Variants in MTRF1 observed in about 807,000 individuals in gnomAD.
The protein encoded by MTRF1 is peptide chain release factor 1, mitochondrial.
MTRF1 carries 51 observed loss-of-function variants against 62.9 expected under a neutral mutation model. That is an observed-to-expected ratio of 0.81 (90% CI 0.65 to 1.02). MTRF1 has a LOEUF of 1.02. MTRF1 is among the 50% of genes least tolerant of loss of function. The probability of loss-of-function intolerance (pLI) is 0.00; values close to 1 mark genes in which losing one functional copy is unlikely to be tolerated. For synonymous variants in MTRF1, 158 were observed against 181.9 expected, an observed-to-expected ratio of 0.87 and a Z score of 1.06; for missense variants, 446 against 530.0, an observed-to-expected ratio of 0.84 and a Z score of 1.56.
At chr13:41,240,173 A>G (rs1007741616) in intron 6 of MTRF1, 88 bp downstream of exon 6, 3 of 1,392,750 alleles carry the variant, frequency 2.2e-6, no homozygotes, top group Non-Finnish European at 1.9e-6. Flanking sequence ...AAAAAAAAAA[A>G]AAAGGACAGA....
chr13:41,286,539 A>T, the MTRF1 span, among the ~76,000 whole-genome samples: 1 of 152,332 alleles, frequency 6.6e-6, no homozygotes, highest in South Asian at 2.1e-4. Flanking sequence ...TGGGGATTTA[A>T]AAACAATTGT....
At chr13:41,221,276 C>G (rs1593549485) in intron 9 of MTRF1, among the ~76,000 whole-genome samples, 1 of 151,910 alleles carries the variant, frequency 6.6e-6, no homozygotes, top group Non-Finnish European at 1.5e-5. Context: ...CCTGCCTCAA[C>G]CTCCCCAGTA....
At position 41,245,248 on chromosome 13, in the gene MTRF1, G is replaced by GC. The variant is rs1460059503; in HGVS notation, c.698-4816dup. On this transcript the variant is annotated intron_variant, in intron 5 of 9. Transcript: ENST00000379480. ...ATCAGATTCTTTGACACTTCATATT[G>GC]CTTTTTTTTTTTGAAGACATGGTCT... is the stretch of plus-strand genomic sequence containing the variant. Among the ~76,000 whole-genome samples the GC allele has an allele frequency of 2.7e-5, 3 of 109,882 alleles. No homozygotes were observed. In the Admixed American group the frequency reaches 3.1e-4, roughly 12 times the overall value. 72.1% of individuals were successfully genotyped at this position (109,882 alleles called of 152,430 possible).
At chr13:41,245,754 AG>A (rs1346962168) in intron 5 of MTRF1, among the ~76,000 whole-genome samples, 1 of 152,184 alleles carries the variant, frequency 6.6e-6, no homozygotes, top group Non-Finnish European at 1.5e-5. Flanking sequence ...GAATGAGTCC[AG>A]GAAGGCTTTT....
intron 7 of MTRF1, among the ~76,000 whole-genome samples, chr13:41,227,519 G>A (rs1246292392): frequency 6.6e-6 from 1 of 152,096 alleles, no homozygotes; most frequent in Non-Finnish European, 1.5e-5. Flanking sequence ...TTGGCCCACT[G>A]TGTAGTCCAG....
chr13:41,306,428 G>C, the MTRF1 span, among the ~76,000 whole-genome samples: 1 of 152,124 alleles, frequency 6.6e-6, no homozygotes, highest in African/African-American at 2.4e-5. Flanking sequence ...ACATGGAAGA[G>C]AGCAGAAACA....
At chr13:41,298,027 CTT>C in the MTRF1 span, among the ~76,000 whole-genome samples, 3 of 151,054 alleles carry the variant, frequency 2.0e-5, no homozygotes, top group Middle Eastern at 6.8e-3. Context: ...TACATTTTCC[CTT>C]TTTTTTTGAG....
the MTRF1 span, among the ~76,000 whole-genome samples, chr13:41,274,456 G>A: frequency 3.9e-5 from 6 of 152,148 alleles, no homozygotes; most frequent in African/African-American, 1.4e-4. Context: ...GTGCCAAAAT[G>A]ATTAATTTAT....
rs1468732330 is a variant in MTRF1, at chr13:41,263,329, G to A, written c.-9+156C>T. On this transcript the variant is annotated intron_variant, in intron 1 of 9. Coordinates refer to ENST00000379480, the MANE Select transcript of MTRF1 (RefSeq NM_004294.4). ...ATCACAGTAACAGTATTACTCTGAT[G>A]CTTTGGGGAAAGTTCTGAGTGTAGG... is the stretch of plus-strand genomic sequence containing the variant. 9 of 1,288,810 alleles carry A rather than the reference G, an allele frequency of 7.0e-6. No individual in the cohort carries two copies. The East Asian group carries it at 3.3e-4, about 48-fold the overall frequency. 79.8% of individuals were successfully genotyped at this position (1,288,810 alleles called of 1,614,324 possible).
the MTRF1 span, among the ~76,000 whole-genome samples, chr13:41,311,051 G>A: frequency 1.2e-4 from 18 of 152,238 alleles, no homozygotes; most frequent in African/African-American, 4.3e-4. Flanking sequence ...GAATGAGGGT[G>A]GTGACTCACC....
At chr13:41,292,112 A>C in the MTRF1 span, among the ~76,000 whole-genome samples, 1 of 152,210 alleles carries the variant, frequency 6.6e-6, no homozygotes, top group Non-Finnish European at 1.5e-5. Flanking sequence ...AAAAACAAAA[A>C]GCTGAAAGAA....
chr13:41,263,597 C>T (rs1438505923), upstream of MTRF1: 1 of 193,328 alleles, frequency 5.2e-6, no homozygotes. Context: ...TGGTTCACTT[C>T]TTCCGGGTTA....
At chr13:41,232,754 A>T (rs1041537281) in intron 7 of MTRF1, among the ~76,000 whole-genome samples, 7 of 152,202 alleles carry the variant, frequency 4.6e-5, no homozygotes, top group Admixed American at 2.0e-4. Flanking sequence ...ACTGCTGATG[A>T]CCAGGACAAC....
upstream of MTRF1, among the ~76,000 whole-genome samples, chr13:41,268,295 C>A (rs532225772): frequency 2.0e-4 from 31 of 152,236 alleles, no homozygotes; most frequent in African/African-American, 7.2e-4. Flanking sequence ...CAAATTATGT[C>A]ATTTTTGGAC....
chr13:41,289,187 C>T, the MTRF1 span, among the ~76,000 whole-genome samples: 4 of 151,360 alleles, frequency 2.6e-5, no homozygotes, highest in Non-Finnish European at 4.4e-5. Flanking sequence ...GCAACAACAA[C>T]GAACTATTTC....
chr13:41,252,544 C>T (rs1043595116), intron 5 of MTRF1, 101 bp downstream of exon 5: 1 of 851,344 alleles, frequency 1.2e-6, no homozygotes. Flanking sequence ...TAGATATACA[C>T]CAAAAGTTTC....
intron 5 of MTRF1, among the ~76,000 whole-genome samples, chr13:41,250,273 T>A (rs1368348097): frequency 6.6e-6 from 1 of 152,184 alleles, no homozygotes; most frequent in Non-Finnish European, 1.5e-5. Flanking sequence ...TCATCCTTTT[T>A]CTGATTATCT....
the MTRF1 span, among the ~76,000 whole-genome samples, chr13:41,301,006 T>C: frequency 6.6e-6 from 1 of 152,218 alleles, no homozygotes; most frequent in Non-Finnish European, 1.5e-5. Flanking sequence ...CTTTTTCTCA[T>C]GGATAATAGT....
chr13:41,256,427 A>G (rs1364650226), intron 2 of MTRF1, among the ~76,000 whole-genome samples: 2 of 151,828 alleles, frequency 1.3e-5, no homozygotes, highest in Non-Finnish European at 2.9e-5. Context: ...CCTGGGTTCA[A>G]GCAATTCTCC....
Sources: allele counts gnomAD v4.1 joint callset (sites outside exome capture counted in the v4.1 genomes callset), GRCh38; gene constraint gnomAD v4.1.1; transcripts MANE v1.5; gene names NCBI Gene and HGNC (gene_info 2026-07-23, HGNC 2026-07-21).